The following DIAPH3 variants were observed in gnomAD, a reference collection of about 807,000 sequenced individuals.
The protein encoded by DIAPH3 is protein diaphanous homolog 3.
A neutral mutation model predicts 144.3 loss-of-function variants in DIAPH3; 117 were observed. The ratio of observed to expected loss-of-function variants is 0.81; its 90% CI spans 0.70 to 0.95. DIAPH3 has a LOEUF of 0.95. Ranked by LOEUF, DIAPH3 falls within the 40% of genes least tolerant of loss-of-function variation. DIAPH3 has a pLI of 0.00. For missense variants in DIAPH3, 1,421 were observed against 1,412.7 expected (o/e 1.01, Z -0.09); for synonymous variants, 519 against 488.9 (o/e 1.06, Z -0.81).
intron 5 of DIAPH3, among the ~76,000 whole-genome samples, chr13:60,028,740 A>C (rs554971568): frequency 7.2e-5 from 11 of 152,116 alleles, no homozygotes; most frequent in Non-Finnish European, 1.6e-4. Flanking sequence ...ATACTCTTTT[A>C]AACATGTCAA....
At chr13:60,108,755 T>C in intron 3 of DIAPH3, among the ~76,000 whole-genome samples, 1 of 152,004 alleles carries the variant, frequency 6.6e-6, no homozygotes, top group Non-Finnish European at 1.5e-5. Context: ...TAAGAGCTAA[T>C]GAAGATAGAG....
At position 60,151,211 on chromosome 13, in the gene DIAPH3, G is replaced by C. The variant is rs1429254649; in HGVS notation, c.180+12376C>G. ...GAGGTCTCCCCTATTAATAATAGTT[G>C]TCACATATTAATTGTGCTGTGCCTA... On this transcript the variant is annotated intron_variant, in intron 1 of 27. Transcript: ENST00000400324. 3.9e-5 allele frequency among the ~76,000 whole-genome samples: 6 copies of C among 152,094 alleles called. No homozygotes were observed. The East Asian group carries it at 1.2e-3, about 29-fold the overall frequency.
At chr13:59,815,466 G>A (rs867208420) in intron 24 of DIAPH3, among the ~76,000 whole-genome samples, 3 of 151,492 alleles carry the variant, frequency 2.0e-5, no homozygotes, top group South Asian at 2.1e-4. Flanking sequence ...TATTAACTTG[G>A]ATCTTTAAAA....
chr13:60,126,324 A>G (rs1163035347), intron 2 of DIAPH3, among the ~76,000 whole-genome samples: 1 of 152,242 alleles, frequency 6.6e-6, no homozygotes, highest in Non-Finnish European at 1.5e-5. Flanking sequence ...ATATGATTAT[A>G]TCAAGTAGAG....
chr13:59,969,939 C>G lies in DIAPH3; in HGVS notation c.2074+5G>C. On this transcript the variant is annotated splice_donor_5th_base_variant and intron_variant, in intron 17 of 27. Transcript: ENST00000400324. ...ATTAATAAATAATCAAGATGTTAAACTTACCTTTTTGTTGGCAACAAAATG... is the reference window on the plus strand; with the variant it reads ...ATTAATAAATAATCAAGATGTTAAAGTTACCTTTTTGTTGGCAACAAAATG... 2.6e-6 allele frequency: 4 copies of G among 1,561,958 alleles called. No homozygotes were observed. In the Admixed American group the frequency reaches 6.8e-5, roughly 27 times the overall value.
intron 4 of DIAPH3, among the ~76,000 whole-genome samples, chr13:60,062,397 T>C (rs935144378): frequency 7.2e-5 from 11 of 152,318 alleles, no homozygotes; most frequent in Non-Finnish European, 1.0e-4. Context: ...AAATACATGC[T>C]TGGGAATTTT....
At chr13:59,783,259 T>C (rs777543321) in intron 25 of DIAPH3, among the ~76,000 whole-genome samples, 3 of 152,186 alleles carry the variant, frequency 2.0e-5, no homozygotes, top group Non-Finnish European at 4.4e-5. Context: ...TCCGTGGTTG[T>C]GAATATTATA....
chr13:59,740,031 T>G (rs1390400365), intron 27 of DIAPH3, among the ~76,000 whole-genome samples: 1 of 152,108 alleles, frequency 6.6e-6, no homozygotes, highest in Non-Finnish European at 1.5e-5. Context: ...TGTAGGAGAT[T>G]TGAACCAATC....
At chr13:59,956,752 C>T (rs950811549) in intron 17 of DIAPH3, among the ~76,000 whole-genome samples, 5 of 152,122 alleles carry the variant, frequency 3.3e-5, no homozygotes, top group Admixed American at 6.5e-5. Flanking sequence ...CACAGACACT[C>T]GACACCACCC....
chr13:59,942,518 T>C (rs763025295), intron 17 of DIAPH3, among the ~76,000 whole-genome samples: 1 of 152,162 alleles, frequency 6.6e-6, no homozygotes, highest in Non-Finnish European at 1.5e-5. Context: ...GGAAAAGATA[T>C]TGACTTTTTA....
At chr13:60,128,303 T>C (rs1057207533) in intron 2 of DIAPH3, among the ~76,000 whole-genome samples, 3 of 152,212 alleles carry the variant, frequency 2.0e-5, no homozygotes, top group African/African-American at 7.2e-5. Flanking sequence ...CTTTATCCAA[T>C]CTGCCATTGA....
At chr13:59,988,396 AT>A (rs565589104) in intron 12 of DIAPH3, among the ~76,000 whole-genome samples, 2 of 151,910 alleles carry the variant, frequency 1.3e-5, no homozygotes, top group Non-Finnish European at 2.9e-5. Context: ...TAAAATGAAA[AT>A]GTTTTAAATT....
At chr13:59,895,574 C>T (rs1720935826) in intron 20 of DIAPH3, among the ~76,000 whole-genome samples, 1 of 152,054 alleles carries the variant, frequency 6.6e-6, no homozygotes. Flanking sequence ...AAAATCAACT[C>T]AGACAAAGAC....
In DIAPH3 at chr13:60,027,351, A is replaced by G. The variant is rs530533285; in HGVS notation, c.627-11206T>C. 2.1e-3 allele frequency among the ~76,000 whole-genome samples: 314 copies of G among 152,302 alleles called. 2 individuals carry two copies. Among genetic ancestry groups the G allele is most frequent in the Middle Eastern group, 0.01 (3 of 294 alleles). Reference sequence around the variant, plus strand: ...TAACCTTCAAAATACAACCACTAATATGTATATTTTCTTGAAATATACTTC... The same window carrying G: ...TAACCTTCAAAATACAACCACTAATGTGTATATTTTCTTGAAATATACTTC... On this transcript the variant is annotated intron_variant, in intron 5 of 27. Coordinates refer to ENST00000400324, the MANE Select transcript of DIAPH3 (RefSeq NM_001042517.2).
intron 22 of DIAPH3, among the ~76,000 whole-genome samples, chr13:59,850,337 C>T (rs1593671028): frequency 6.6e-6 from 1 of 150,830 alleles, no homozygotes; most frequent in East Asian, 2.0e-4. Context: ...ATTGGCCTGG[C>T]CAGAACTTCC....
intron 22 of DIAPH3, among the ~76,000 whole-genome samples, chr13:59,851,091 C>G (rs2042941507): frequency 6.6e-6 from 1 of 151,522 alleles, no homozygotes; most frequent in South Asian, 2.1e-4. Context: ...AATTTTAGAC[C>G]AATATCCTTG....
intron 2 of DIAPH3, among the ~76,000 whole-genome samples, chr13:60,127,105 G>C (rs931021034): frequency 6.6e-6 from 1 of 151,998 alleles, no homozygotes; most frequent in African/African-American, 2.4e-5. Context: ...AGCCAGACTA[G>C]TCACAGAGAA....
intron 27 of DIAPH3, among the ~76,000 whole-genome samples, chr13:59,736,815 G>A (rs1158033683): frequency 2.0e-5 from 3 of 151,852 alleles, no homozygotes; most frequent in Admixed American, 6.6e-5. Flanking sequence ...ACAGAGACAC[G>A]GACTGAAGCA....
intron 22 of DIAPH3, among the ~76,000 whole-genome samples, chr13:59,848,177 T>C (rs991385864): frequency 2.6e-5 from 4 of 152,020 alleles, no homozygotes; most frequent in Admixed American, 6.6e-5. Context: ...ATTCTACCAT[T>C]ATTCATCTAC....
Sources: allele counts gnomAD v4.1 joint callset (sites outside exome capture counted in the v4.1 genomes callset), GRCh38; gene constraint gnomAD v4.1.1; transcripts MANE v1.5; gene names NCBI Gene and HGNC (gene_info 2026-07-23, HGNC 2026-07-21).